Variants in UBE3A observed in about 807,000 individuals in gnomAD.
UBE3A encodes the protein ubiquitin-protein ligase E3A.
In UBE3A, 6 loss-of-function variants were observed where a neutral mutation model predicts 83.4. The observed-to-expected ratio is 0.07, with a 90% CI of 0.04 to 0.14. The LOEUF (loss-of-function observed/expected upper bound fraction) is 0.14. Ranked by LOEUF, UBE3A falls within the 10% of genes least tolerant of loss-of-function variation. UBE3A has a pLI of 1.00. For missense variants in UBE3A, 456 were observed against 1,036.1 expected (o/e 0.44, Z 7.69); for synonymous variants, 337 against 355.4 (o/e 0.95, Z 0.58).
intron 11 of UBE3A, among the ~76,000 whole-genome samples, chr15:25,343,337 C>A (rs1557874): frequency 0.12 from 17,603 of 152,132 alleles, 1,079 homozygotes; most frequent in Middle Eastern, 0.23. Flanking sequence ...ACACCACATT[C>A]CAACACAAAA....
At chr15:25,407,490 A>G (rs2153062016) in intron 3 of UBE3A, 1 of 158,060 alleles carries the variant, frequency 6.3e-6, no homozygotes, top group Admixed American at 6.5e-5. Context: ...GAGTTTAAAT[A>G]CATTATCAAA....
At chr15:25,398,790 T>TATAC (rs2086285538) in intron 4 of UBE3A, among the ~76,000 whole-genome samples, 1 of 66,016 alleles carries the variant, frequency 1.5e-5, no homozygotes, top group Non-Finnish European at 2.9e-5. Context: ...TATATATATA[T>TATAC]ATATATATAT....
At chr15:25,398,496 C>T (rs2086130674) in intron 4 of UBE3A, among the ~76,000 whole-genome samples, 1 of 151,930 alleles carries the variant, frequency 6.6e-6, no homozygotes, top group Non-Finnish European at 1.5e-5. Flanking sequence ...CACCATTTTA[C>T]ATCCCTGAGT....
At chr15:25,425,006 C>T (rs1279404325) in intron 1 of UBE3A, among the ~76,000 whole-genome samples, 1 of 152,006 alleles carries the variant, frequency 6.6e-6, no homozygotes, top group East Asian at 1.9e-4. Context: ...TGCAAGCTAA[C>T]CCTAAAATTC....
rs1064794579 is a variant in UBE3A at position 25,371,315 on chromosome 15, C to T, written c.859G>A (p.Val287Ile). ...CTGTGGAGATTTCTATTCTCCATTA[C>T]GATAATGAACAAATTCAGATAATTA... ...DPNYLNLFII[V>I]MENRNLHSPE... The change falls in exon 6 of 13, where the codon GTA becomes ATA. Residue 287 changes from valine (V) to isoleucine (I), a missense_variant. Transcript: ENST00000648336. The surrounding 1 kb of genome is among the most constrained non-coding windows in gnomAD (Gnocchi z 5.3). The T allele has an allele frequency of 5.0e-6, 8 of 1,614,064 alleles. No homozygotes were observed. Among genetic ancestry groups the T allele is most frequent in the Non-Finnish European group, 5.9e-6 (7 of 1,179,988 alleles).
intron 4 of UBE3A, among the ~76,000 whole-genome samples, chr15:25,402,311 C>T (rs1210851964): frequency 6.6e-6 from 1 of 152,224 alleles, no homozygotes; most frequent in Middle Eastern, 3.2e-3. Flanking sequence ...TGCTGCTGGC[C>T]TGGCATCCTG....
In UBE3A at chr15:25,365,976, T is replaced by G. The variant is rs571895123; in HGVS notation, c.1608+4590A>C. ...GTCCATGAGACCTGGAATCCTGACT[T>G]CTATTTCCAATTCTGCCATTAATTT... On this transcript the variant is annotated intron_variant, in intron 6 of 12. Coordinates refer to ENST00000648336, the MANE Select transcript of UBE3A (RefSeq NM_130839.5). Among the ~76,000 whole-genome samples, 93 of 152,312 alleles carry G rather than the reference T, an allele frequency of 6.1e-4. 3 individuals carry two copies. In the South Asian group the frequency reaches 0.019, roughly 31 times the overall value.
intron 11 of UBE3A, among the ~76,000 whole-genome samples, chr15:25,347,802 A>G (rs2075922557): frequency 6.6e-6 from 1 of 152,206 alleles, no homozygotes; most frequent in Admixed American, 6.5e-5. Context: ...AAGGCAATAA[A>G]TAAATAACCA....
chr15:25,428,491 C>T (rs911863697), intron 1 of UBE3A, among the ~76,000 whole-genome samples: 3 of 152,148 alleles, frequency 2.0e-5, no homozygotes, highest in African/African-American at 7.2e-5. Flanking sequence ...TTATATTTTA[C>T]TCTTATTCTG....
intron 11 of UBE3A, 119 bp from the exon 12 acceptor site, chr15:25,340,347 G>T (rs546741401): frequency 6.6e-6 from 8 of 1,211,218 alleles, no homozygotes; most frequent in South Asian, 5.0e-5. Context: ...TAATTATCAG[G>T]ATAGTATCAC....
chr15:25,340,008 A>T (rs1447928747), intron 12 of UBE3A, 77 bp downstream of exon 12: 14 of 1,567,814 alleles, frequency 8.9e-6, no homozygotes, highest in Non-Finnish European at 9.7e-6. Context: ...CAGAAACTAT[A>T]AAGACAGTTC....
intron 7 of UBE3A, among the ~76,000 whole-genome samples, chr15:25,357,151 C>G (rs919318720): frequency 6.6e-6 from 1 of 151,918 alleles, no homozygotes; most frequent in Non-Finnish European, 1.5e-5. Context: ...TTGGTGGCAT[C>G]GGGTAGAAAA....
chr15:25,414,059 CT>C (rs1333749972), intron 1 of UBE3A, among the ~76,000 whole-genome samples: 1 of 152,152 alleles, frequency 6.6e-6, no homozygotes, highest in East Asian at 1.9e-4. Context: ...TCTTTAAGTC[CT>C]TATGTCTGGC....
chr15:25,384,583 A>G (rs1028550482), intron 4 of UBE3A, among the ~76,000 whole-genome samples: 5 of 152,168 alleles, frequency 3.3e-5, no homozygotes, highest in African/African-American at 9.6e-5. Flanking sequence ...TAAGATGGCA[A>G]TACTACCCAA....
chr15:25,405,895 T>C (rs1276980737), intron 3 of UBE3A, among the ~76,000 whole-genome samples: 25 of 152,210 alleles, frequency 1.6e-4, no homozygotes, highest in Admixed American at 1.6e-3. Flanking sequence ...ACTCACAGTA[T>C]TAAACTTTAG....
intron 4 of UBE3A, among the ~76,000 whole-genome samples, chr15:25,387,968 TTAA>T (rs2083483947): frequency 1.3e-5 from 2 of 152,198 alleles, no homozygotes; most frequent in Admixed American, 1.3e-4. Flanking sequence ...AAATCCATAA[TTAA>T]TAATGTTCTA....
At chr15:25,390,591 A>G (rs1261393172) in intron 4 of UBE3A, among the ~76,000 whole-genome samples, 1 of 152,182 alleles carries the variant, frequency 6.6e-6, no homozygotes, top group African/African-American at 2.4e-5. Context: ...AAAGTTAGAG[A>G]CACAGTAAAA....
At position 25,370,912 on chromosome 15, in the gene UBE3A, C is replaced by T; in HGVS notation, c.1262G>A (p.Arg421Gln). The T allele has an allele frequency of 1.9e-6, 3 of 1,614,028 alleles. No homozygotes were observed. Among genetic ancestry groups the T allele is most frequent in the Non-Finnish European group, 2.5e-6 (3 of 1,179,974 alleles). The change falls in exon 6 of 13, where the codon CGA becomes CAA. Residue 421 changes from arginine (R) to glutamine (Q), a missense_variant. Coordinates refer to ENST00000648336, the MANE Select transcript of UBE3A (RefSeq NM_130839.5). The surrounding 1 kb of genome is among the most constrained non-coding windows in gnomAD (Gnocchi z 4.2). ...GEERRNKKGP[R>Q]VDPLETELGV... is the part of the protein sequence containing the mutation. The stretch of plus-strand genomic sequence containing the variant: ...AAGTTCAGTTTCCAGGGGGTCCACT[C>T]GAGGACCTTTCTTGTTTCTTCTTTC...
intron 11 of UBE3A, among the ~76,000 whole-genome samples, chr15:25,341,798 A>G (rs2074882378): frequency 6.6e-6 from 1 of 151,562 alleles, no homozygotes; most frequent in Non-Finnish European, 1.5e-5. Flanking sequence ...AAAAAAAAAA[A>G]AAAAATTCCA....
Sources: gnomAD v4.1 joint callset for allele counts (sites outside exome capture counted in the v4.1 genomes callset) on GRCh38, gnomAD v4.1.1 for gene constraint, Gnocchi (gnomAD v3.1) non-coding constraint, MANE v1.5 for transcripts, NCBI Gene and HGNC (gene_info 2026-07-23, HGNC 2026-07-21) for gene names.